Variants in PRPSAP2 observed in about 807,000 individuals in gnomAD.
PRPSAP2 encodes the protein phosphoribosyl pyrophosphate synthetase associated protein 2.
A neutral mutation model predicts 40.6 loss-of-function variants in PRPSAP2; 24 were observed. The ratio of observed to expected loss-of-function variants is 0.59; its 90% confidence interval spans 0.43 to 0.83. PRPSAP2 has a LOEUF of 0.83. Among genes scored for constraint, PRPSAP2 ranks in the 40% least tolerant of loss-of-function variants. The pLI, the probability that PRPSAP2 is intolerant of heterozygous loss-of-function variation, is 0.00. For missense variants in PRPSAP2, 292 were observed against 465.6 expected, an observed-to-expected ratio of 0.63 and a Z score of 3.43; for synonymous variants, 149 against 164.7, an observed-to-expected ratio of 0.90 and a Z score of 0.73.
intron 7 of PRPSAP2, 41 bp downstream of exon 7, chr17:18,882,724 A>G (rs1221153590): frequency 1.6e-6 from 2 of 1,281,824 alleles, no homozygotes; most frequent in Non-Finnish European, 2.3e-6. Flanking sequence ...ATTCTGATTA[A>G]GGTTGAAAGA....
chr17:18,930,094 T>C (rs2042180377), intron 11 of PRPSAP2, among the ~76,000 whole-genome samples: 1 of 152,120 alleles, frequency 6.6e-6, no homozygotes, highest in Non-Finnish European at 1.5e-5. Context: ...AAACACAGGC[T>C]GGGCGCGGTG....
chr17:18,884,927 A>G (rs2039019551), intron 7 of PRPSAP2, among the ~76,000 whole-genome samples: 1 of 152,174 alleles, frequency 6.6e-6, no homozygotes, highest in African/African-American at 2.4e-5. Flanking sequence ...ACAAATGGCA[A>G]TTGCACCTCT....
In PRPSAP2 at chr17:18,875,963, C is replaced by G. The variant is rs140283796; in HGVS notation, c.240-1735C>G. 7.2e-5 allele frequency among the ~76,000 whole-genome samples: 11 copies of G among 151,940 alleles called. No individual in the cohort carries two copies. In the East Asian group the frequency reaches 2.1e-3, roughly 29 times the overall value. On this transcript the variant is annotated intron_variant, in intron 5 of 11. Transcript: ENST00000268835. ...AGCCTGACCAACATGGAGAAACGCT[C>G]TCTCTGCTAAAAATGCAAAATTAGC...
intron 8 of PRPSAP2, among the ~76,000 whole-genome samples, chr17:18,897,885 G>A (rs1044949604): frequency 6.6e-6 from 1 of 151,604 alleles, no homozygotes; most frequent in East Asian, 2.0e-4. Context: ...GTGAAATATA[G>A]AAGTCATACC....
chr17:18,885,919 C>T (rs2039110549), intron 7 of PRPSAP2, among the ~76,000 whole-genome samples: 1 of 152,100 alleles, frequency 6.6e-6, no homozygotes, highest in African/African-American at 2.4e-5. Flanking sequence ...GATAGGGTTT[C>T]ACCGTGTTGG....
chr17:18,897,694 C>T (rs1227498161), intron 8 of PRPSAP2, among the ~76,000 whole-genome samples: 1 of 152,128 alleles, frequency 6.6e-6, no homozygotes, highest in Non-Finnish European at 1.5e-5. Context: ...AATTCCTGAC[C>T]TCAGGTAATC....
intron 9 of PRPSAP2, among the ~76,000 whole-genome samples, chr17:18,914,066 C>G (rs191597838): frequency 6.6e-6 from 1 of 151,018 alleles, no homozygotes; most frequent in Admixed American, 6.6e-5. Context: ...CCCAACTACT[C>G]GGGAGGCTAA....
chr17:18,878,705 G>GCC (rs2038487915), intron 6 of PRPSAP2, among the ~76,000 whole-genome samples: 2 of 151,800 alleles, frequency 1.3e-5, no homozygotes, highest in African/African-American at 4.8e-5. Context: ...TTACAGGCAT[G>GCC]CGCCACCACG....
intron 8 of PRPSAP2, chr17:18,908,645 A>C (rs1049488666): frequency 1.4e-6 from 1 of 720,486 alleles, no homozygotes; most frequent in Non-Finnish European, 2.6e-6. Context: ...ACCCACGCCG[A>C]CTTCGCCAAC....
intron 8 of PRPSAP2, among the ~76,000 whole-genome samples, chr17:18,908,081 A>C (rs1442075585): frequency 1.3e-5 from 2 of 152,158 alleles, no homozygotes; most frequent in East Asian, 3.8e-4. Context: ...GGCTGCAGTG[A>C]GCCGAGATCA....
intron 10 of PRPSAP2, 76 bp from the exon 11 acceptor site, chr17:18,928,735 C>T (rs749576809): frequency 4.5e-5 from 70 of 1,552,484 alleles, no homozygotes; most frequent in Non-Finnish European, 6.1e-5. Flanking sequence ...TAGGCAGACC[C>T]TTTTTTTTTC....
intron 1 of PRPSAP2, among the ~76,000 whole-genome samples, chr17:18,864,650 A>G (rs1218470250): frequency 6.6e-6 from 1 of 152,158 alleles, no homozygotes; most frequent in Non-Finnish European, 1.5e-5. Context: ...TTAAAATTTG[A>G]GAATAATGAA....
intron 9 of PRPSAP2, among the ~76,000 whole-genome samples, chr17:18,918,116 A>G (rs754265431): frequency 6.6e-6 from 1 of 152,138 alleles, no homozygotes; most frequent in Non-Finnish European, 1.5e-5. Flanking sequence ...TGGGATAGCC[A>G]TGCACGCAGC....
intron 6 of PRPSAP2, among the ~76,000 whole-genome samples, chr17:18,880,326 C>G (rs1310037899): frequency 6.6e-6 from 1 of 152,184 alleles, no homozygotes; most frequent in Non-Finnish European, 1.5e-5. Flanking sequence ...TTTCCTTACA[C>G]TTTTCTGGTG....
chr17:18,865,913 C>T lies in PRPSAP2; in HGVS notation c.80C>T (p.Ser27Leu), dbSNP rs868518153. 3 of 1,536,596 alleles carry T rather than the reference C, an allele frequency of 2.0e-6. No individual in the cohort carries two copies. The highest frequency in any genetic ancestry group is 2.7e-6 in the Non-Finnish European group (3 of 1,132,018). The stretch of plus-strand genomic sequence containing the variant: ...GGTCTGGTGTTGTTTTCAGCAAACT[C>T]GAATTCATCATGTATGGAGCTATCA... ...KGGLVLFSAN[S>L]NSSCMELSKK... The change falls in exon 3 of 12, where the codon TCG (serine) becomes TTG (leucine). Residue 27 changes from serine to leucine, a missense_variant. This residue lies in a region of PRPSAP2 where 51 missense variants were observed against 40.0 expected (regional missense o/e 1.28). Coordinates refer to ENST00000268835, the MANE Select transcript of PRPSAP2 (RefSeq NM_002767.4).
At chr17:18,881,571 C>T (rs2038745225) in intron 6 of PRPSAP2, among the ~76,000 whole-genome samples, 1 of 151,612 alleles carries the variant, frequency 6.6e-6, no homozygotes, top group Non-Finnish European at 1.5e-5. Context: ...AGATCTCACT[C>T]TGTCACCCAG....
intron 8 of PRPSAP2, among the ~76,000 whole-genome samples, chr17:18,897,991 CTTTTTT>C (rs71155370): frequency 3.4e-5 from 4 of 116,332 alleles, no homozygotes; most frequent in Non-Finnish European, 6.9e-5. Context: ...AGAATTTTTG[CTTTTTT>C]TTTTTTTTTT....
chr17:18,923,256 A>AT (rs34975526), intron 9 of PRPSAP2, among the ~76,000 whole-genome samples: 14,911 of 105,262 alleles, frequency 0.14, 1,014 homozygotes, highest in Non-Finnish European at 0.16. Flanking sequence ...CACTTGGCTA[A>AT]TTTTTTTTTT....
intron 5 of PRPSAP2, 148 bp from the exon 6 acceptor site, chr17:18,877,550 T>G (rs2038394395): frequency 3.0e-6 from 2 of 656,160 alleles, no homozygotes; most frequent in Admixed American, 6.8e-5. Context: ...TATGGAGGCC[T>G]GAGAAAAGAG....
Sources: allele counts gnomAD v4.1 joint callset (sites outside exome capture counted in the v4.1 genomes callset), GRCh38; gene constraint gnomAD v4.1.1; regional missense constraint gnomAD v4.1.1; transcripts MANE v1.5; gene names NCBI Gene and HGNC (gene_info 2026-07-23, HGNC 2026-07-21).